Variants in FN1 observed in about 807,000 individuals in gnomAD.
FN1 encodes the protein fibronectin 1, also known as fibronectin.
Under a neutral mutation model 297.3 loss-of-function variants are expected in FN1, and 106 were observed. That is an observed-to-expected ratio of 0.36 (90% confidence interval 0.30 to 0.42). FN1 has a LOEUF of 0.42. Ranked by LOEUF, FN1 falls within the 10% of genes least tolerant of loss-of-function variation. The pLI, the probability that FN1 is intolerant of heterozygous loss-of-function variation, is 1.00. For synonymous variants in FN1, 1,149 were observed against 1,152.6 expected (o/e 1.00, Z 0.06); for missense variants, 2,690 against 3,124.9 (o/e 0.86, Z 3.32).
intron 11 of FN1, among the ~76,000 whole-genome samples, chr2:215,420,030 G>C (rs1477581010): frequency 1.3e-5 from 2 of 152,066 alleles, no homozygotes; most frequent in East Asian, 3.8e-4. Context: ...TTCACTATTT[G>C]CTTAGTTCTA....
intron 12 of FN1, among the ~76,000 whole-genome samples, chr2:215,418,339 C>T (rs1286033182): frequency 6.6e-6 from 1 of 152,206 alleles, no homozygotes; most frequent in African/African-American, 2.4e-5. Context: ...TTGGCTAACA[C>T]TACCTTTGGC....
At chr2:215,423,735 G>C (rs2064852466) in intron 8 of FN1, among the ~76,000 whole-genome samples, 1 of 146,204 alleles carries the variant, frequency 6.8e-6, no homozygotes, top group Admixed American at 7.4e-5. Flanking sequence ...CACTTTCACT[G>C]TCATTTCCCC....
At chr2:215,384,574 A>G (rs2058662163) in intron 29 of FN1, 2 of 400,976 alleles carry the variant, frequency 5.0e-6, no homozygotes, top group Admixed American at 8.3e-5. Context: ...AGAAAAAATA[A>G]AAATCACTTA....
Position 215,435,986 on chromosome 2 carries a change from A to T in FN1, c.-184T>A. 7.5e-7 allele frequency: 1 copy of T among 1,334,110 alleles called. No homozygotes were observed. Among genetic ancestry groups the T allele is most frequent in the Non-Finnish European group, 9.9e-7 (1 of 1,009,936 alleles). The allele number at this position is 1,334,110 out of a possible 1,614,324, so 82.6% of individuals were successfully genotyped here. A position where few individuals can be genotyped will look rare whatever the true frequency, so the allele number is the denominator to read the frequency against. On this transcript the variant is annotated 5_prime_UTR_variant, in exon 1 of 46. Transcript: ENST00000354785. ...GGACAGAAGGGATGCAGAGGACCAG[A>T]GAAGTTGTGGCTGCAGGTCCCCTCT...
In FN1 at chr2:215,373,379, C is replaced by A; in HGVS notation, c.6190G>T (p.Val2064Phe). 1 of 1,613,396 alleles carries A rather than the reference C, an allele frequency of 6.2e-7. No homozygotes were observed. Among genetic ancestry groups the A allele is most frequent in the Non-Finnish European group, 8.5e-7 (1 of 1,179,518 alleles). ...TTCTGATTATTCTTCAGGGCAATGA[C>A]ATAAATTGTATATTCGGTTCCCGGT... is the stretch of plus-strand genomic sequence containing the variant. ...LEPGTEYTIYVIALKNNQKSE... is the reference protein window; with the variant it reads ...LEPGTEYTIYFIALKNNQKSE... The change falls in exon 39 of 46, where the codon GTC (valine) becomes TTC (phenylalanine). Residue 2064 changes from valine (V) to phenylalanine (F), a missense_variant. Physicochemically the swap from Val to Phe is conservative, Grantham distance 50. Around this residue, in one of 3 missense-constraint regions of FN1, gnomAD observed 1,743 missense variants for 1,945.2 expected, o/e 0.90. Coordinates refer to ENST00000354785, the MANE Select transcript of FN1 (RefSeq NM_212482.4).
Position 215,372,327 on chromosome 2 carries a change from G to A in FN1, c.6296C>T (p.Pro2099Leu), listed in dbSNP as rs765104723. 2 of 1,614,080 alleles carry A rather than the reference G, an allele frequency of 1.2e-6. No homozygotes were observed. Among genetic ancestry groups the A allele is most frequent in the Non-Finnish European group, 8.5e-7 (1 of 1,180,028 alleles). Residue 2099 changes from proline to leucine, a missense_variant, in exon 40 of 46, where the codon CCA becomes CTA. This residue lies in a region of FN1 where 1,743 missense variants were observed against 1,945.2 expected (regional missense o/e 0.90). Transcript: ENST00000354785. ...VTLPHPNLHG[P>L]EILDVPSTVQ... ...TGTGGAAGGAACATCCAAGATCTCT[G>A]GTCCATGAAGATTGGGGTGTGGAAG...
At chr2:215,374,638 C>T (rs1427276404) in intron 38 of FN1, among the ~76,000 whole-genome samples, 1 of 152,192 alleles carries the variant, frequency 6.6e-6, no homozygotes, top group African/African-American at 2.4e-5. Context: ...CTCTTTATAG[C>T]AGTATGAAAA....
chr2:215,365,211 C>T lies in FN1; in HGVS notation c.7145-226G>A, dbSNP rs2054286270. ...AAGGGTCCAACGGGAAGATGGAAAT[C>T]ATATTTTAAAAGTTGAATCTACAGA... is the stretch of plus-strand genomic sequence containing the variant. On this transcript the variant is annotated intron_variant, in intron 43 of 45. Transcript: ENST00000354785. Among the ~76,000 whole-genome samples, 3 of 152,282 alleles carry T rather than the reference C, an allele frequency of 2.0e-5. No homozygotes were observed. The South Asian group carries it at 6.2e-4, about 32-fold the overall frequency.
At chr2:215,433,590 G>C in intron 2 of FN1, 129 bp from the exon 3 acceptor site, 1 of 911,302 alleles carries the variant, frequency 1.1e-6, no homozygotes, top group Non-Finnish European at 1.7e-6. Context: ...AGAATAAAAT[G>C]AAGTGAGAGA....
intron 20 of FN1, among the ~76,000 whole-genome samples, chr2:215,401,296 GA>G: frequency 7.2e-6 from 1 of 138,920 alleles, no homozygotes; most frequent in African/African-American, 2.8e-5. Flanking sequence ...AAAAGAGAGA[GA>G]GAGAAAGGAA....
At chr2:215,423,197 C>CACACACAG (rs2064744702) in intron 9 of FN1, among the ~76,000 whole-genome samples, 153 bp downstream of exon 9, 1 of 151,962 alleles carries the variant, frequency 6.6e-6, no homozygotes, top group Non-Finnish European at 1.5e-5. Flanking sequence ...CACACACACA[C>CACACACAG]ACACACACAC....
At position 215,365,629 on chromosome 2, in the gene FN1, T is replaced by C. The variant is rs750707274; in HGVS notation, c.7020A>G (p.Arg2340=). The C allele has an allele frequency of 8.7e-6, 14 of 1,613,996 alleles. No individual in the cohort carries two copies. The highest frequency in any genetic ancestry group is 1.1e-5 in the South Asian group (1 of 91,080). The change falls in exon 43 of 46, where the codon AGA becomes AGG. Residue 2340 remains arginine (R), a splice_region_variant and synonymous_variant. Coordinates refer to ENST00000354785, the MANE Select transcript of FN1 (RefSeq NM_212482.4). The stretch of plus-strand genomic sequence containing the variant: ...AGTTCACACCATTGTCATGGCACCA[T>C]CCTGTAGGGGTGGGGAAAGTCAGGA... ...GSGHFRCDSS[R]WCHDNGVNYK...
At chr2:215,377,659 C>G (rs921414594) in intron 35 of FN1, among the ~76,000 whole-genome samples, 15 of 152,172 alleles carry the variant, frequency 9.9e-5, no homozygotes, top group African/African-American at 3.4e-4. Context: ...ATTACCCAGT[C>G]TCCGGTATTT....
In FN1 at chr2:215,404,550, A is replaced by C. The variant is rs1575597579; in HGVS notation, c.3092T>G (p.Val1031Gly). The stretch of plus-strand genomic sequence containing the variant: ...GGGCTGTCCTCTTCGGGTAAGGCCC[A>C]CGGTCAGTCGGTATCCTGTTATCTG... ...RAQITGYRLT[V>G]GLTRRGQPRQ... The change falls in exon 20 of 46, where the codon GTG becomes GGG. Residue 1031 changes from valine (V) to glycine (G), a missense_variant. This residue lies in a region of FN1 where 1,743 missense variants were observed against 1,945.2 expected (regional missense o/e 0.90). Coordinates refer to ENST00000354785, the MANE Select transcript of FN1 (RefSeq NM_212482.4). The C allele has an allele frequency of 2.5e-6, 4 of 1,614,028 alleles. No homozygotes were observed. Among genetic ancestry groups the C allele is most frequent in the African/African-American group, 1.3e-5 (1 of 74,910 alleles).
At chr2:215,425,071 T>C in intron 7 of FN1, 23 bp downstream of exon 7, 1 of 1,606,324 alleles carries the variant, frequency 6.2e-7, no homozygotes, top group Middle Eastern at 1.7e-4. Flanking sequence ...ATCAGTCCTA[T>C]TCTTCAAAAA....
rs2067423894 is a variant in FN1 at position 215,436,056 on chromosome 2, A to T, written c.-254T>A. On this transcript the variant is annotated 5_prime_UTR_variant, in exon 1 of 46. Coordinates refer to ENST00000354785, the MANE Select transcript of FN1 (RefSeq NM_212482.4). ...TCCCTCTCCTCCCCCTGTGCAGCAC[A>T]GCCGGCGCGGGCGTCCGAGCGCCGG... 4.4e-5 allele frequency: 29 copies of T among 656,514 alleles called. No homozygotes were observed. In the Admixed American group the frequency reaches 1.0e-3, roughly 23 times the overall value. The allele number at this position is 656,514 out of a possible 1,614,324, so 40.7% of individuals were successfully genotyped here.
chr2:215,414,146 A>G (rs1035929553), intron 13 of FN1, among the ~76,000 whole-genome samples: 1 of 152,190 alleles, frequency 6.6e-6, no homozygotes, highest in Non-Finnish European at 1.5e-5. Flanking sequence ...GTGTTTCTCA[A>G]ATTATGAGCC....
chr2:215,371,034 C>T (rs1326422572), intron 40 of FN1, among the ~76,000 whole-genome samples: 1 of 152,162 alleles, frequency 6.6e-6, no homozygotes, highest in Non-Finnish European at 1.5e-5. Context: ...CTTTGGGAGG[C>T]CAAGGCGGGC....
At chr2:215,377,469 C>G (rs192892657) in intron 35 of FN1, among the ~76,000 whole-genome samples, 30 of 152,074 alleles carry the variant, frequency 2.0e-4, no homozygotes, top group South Asian at 6.3e-4. Flanking sequence ...TCCTCCCCCC[C>G]CAACTCTCTC....
Sources: gnomAD v4.1 joint callset for allele counts (sites outside exome capture counted in the v4.1 genomes callset) on GRCh38, gnomAD v4.1.1 for gene constraint, gnomAD v4.1.1 regional missense constraint, MANE v1.5 for transcripts, NCBI Gene and HGNC (gene_info 2026-07-23, HGNC 2026-07-21) for gene names.